RPS6KA3: variants seen among roughly 807,000 people sequenced by gnomAD.
The protein encoded by RPS6KA3 is ribosomal protein S6 kinase A3.
A neutral mutation model predicts 67.2 loss-of-function variants in RPS6KA3; 4 were observed. The observed-to-expected ratio is 0.06, with a 90% CI of 0.03 to 0.14. The LOEUF is 0.14. Among genes scored for constraint, RPS6KA3 ranks in the 10% least tolerant of loss-of-function variants. The pLI, the probability that RPS6KA3 is intolerant of heterozygous loss-of-function variation, is 1.00. For synonymous variants in RPS6KA3, 182 were observed against 183.7 expected, an observed-to-expected ratio of 0.99 and a Z score of 0.07; for missense variants, 204 against 559.0, an observed-to-expected ratio of 0.36 and a Z score of 6.40.
chrX:20,203,249 T>G, intron 4 of RPS6KA3: 1 of 105,150 alleles, frequency 9.5e-6, no homozygotes. Context: ...TAAATCTATA[T>G]TTCTTCTTAA....
At chrX:20,189,269 C>A (rs116535393) in intron 7 of RPS6KA3, among the ~76,000 whole-genome samples, 2,732 of 111,983 alleles carry the variant, frequency 0.024, 79 homozygotes, top group African/African-American at 0.079. Flanking sequence ...GAAGGTTTGA[C>A]CTTATTCATC....
chrX:20,248,494 T>A (rs2147040517), intron 1 of RPS6KA3, among the ~76,000 whole-genome samples: 1 of 111,127 alleles, frequency 9.0e-6, no homozygotes, highest in Admixed American at 9.5e-5. Flanking sequence ...TTTTTTTATT[T>A]TTTGAGACAG....
intron 1 of RPS6KA3, among the ~76,000 whole-genome samples, chrX:20,253,093 C>A (rs1251068527): frequency 9.1e-6 from 1 of 110,071 alleles, no homozygotes; most frequent in East Asian, 2.9e-4. Flanking sequence ...ACGCTTCCTG[C>A]CTGGTCTGCC....
chrX:20,249,496 G>A (rs1199457538), intron 1 of RPS6KA3, among the ~76,000 whole-genome samples: 1 of 112,005 alleles, frequency 8.9e-6, no homozygotes, highest in Non-Finnish European at 1.9e-5. Context: ...TATGTTGGCT[G>A]TTCTAATAGG....
chrX:20,262,125 G>C (rs757758373), intron 1 of RPS6KA3, among the ~76,000 whole-genome samples: 4 of 111,700 alleles, frequency 3.6e-5, no homozygotes, highest in Non-Finnish European at 7.5e-5. Flanking sequence ...TGGGTCTAAA[G>C]CACCCATTCT....
intron 10 of RPS6KA3, among the ~76,000 whole-genome samples, chrX:20,180,479 T>A (rs748777305): frequency 8.9e-6 from 1 of 112,371 alleles, no homozygotes; most frequent in Admixed American, 9.4e-5. Context: ...TGGTTTTAAA[T>A]CCTTTCAGTT....
At chrX:20,255,556 G>A (rs916739791) in intron 1 of RPS6KA3, among the ~76,000 whole-genome samples, 1 of 111,142 alleles carries the variant, frequency 9.0e-6, no homozygotes, top group Non-Finnish European at 1.9e-5. Context: ...GGAGGCCAAG[G>A]CGGGCGGATC....
chrX:20,199,350 T>C (rs2068362336), intron 4 of RPS6KA3, among the ~76,000 whole-genome samples: 1 of 111,252 alleles, frequency 9.0e-6, no homozygotes, highest in South Asian at 3.7e-4. Context: ...TATTCTTCTG[T>C]CTCTTTCTTA....
At chrX:20,158,387 A>AAAGAG (rs1406774782) in intron 20 of RPS6KA3, among the ~76,000 whole-genome samples, 1,171 of 97,055 alleles carry the variant, frequency 0.012, 43 homozygotes, top group African/African-American at 0.048. Flanking sequence ...AAAAAAAAAA[A>AAAGAG]AGAGAGAGAG....
intron 14 of RPS6KA3, among the ~76,000 whole-genome samples, chrX:20,173,450 T>C (rs1201846529): frequency 8.9e-6 from 1 of 112,017 alleles, no homozygotes; most frequent in Admixed American, 9.5e-5. Context: ...CCTGAAGTCA[T>C]AGCCTTACAC....
At chrX:20,227,146 C>T (rs1013130708) in intron 2 of RPS6KA3, among the ~76,000 whole-genome samples, 1 of 111,584 alleles carries the variant, frequency 9.0e-6, no homozygotes, top group Non-Finnish European at 1.9e-5. Context: ...CCCACCTCTT[C>T]CCCCAATCCT....
In RPS6KA3 at chrX:20,253,353, C is replaced by T. The variant is rs190520194; in HGVS notation, c.69+13211G>A. ...CAGTTGTTTGTCTAAAGGAAACAGG[C>T]TTTTTCTCAGAGCTCTTTTTGTCTG... On this transcript the variant is annotated intron_variant, in intron 1 of 21. Coordinates refer to ENST00000379565, the MANE Select transcript of RPS6KA3 (RefSeq NM_004586.3). Among the ~76,000 whole-genome samples the T allele has an allele frequency of 3.6e-5, 4 of 111,081 alleles. No individual in the cohort carries two copies. In the East Asian group the frequency reaches 1.1e-3, roughly 31 times the overall value.
rs188787217 is a variant in RPS6KA3, at chrX:20,151,118, C to T, written c.*4280G>A. ...AGAAATCTTTGAGAACACTCAGTCA[C>T]ATTGGAACCAGCTGCAAATCACTTG... On this transcript the variant is annotated 3_prime_UTR_variant, in exon 22 of 22. Transcript: ENST00000379565. 3.5e-5 allele frequency: 4 copies of T among 112,711 alleles called. No homozygotes were observed. The East Asian group carries it at 1.1e-3, about 31-fold the overall frequency. 9.3% of individuals were successfully genotyped at this position (112,711 alleles called of 1,213,427 possible).
Position 20,155,329 on chromosome X carries a change from G to A in RPS6KA3, c.*69C>T. 16 of 1,161,093 alleles carry A rather than the reference G, an allele frequency of 1.4e-5. No homozygotes were observed. The highest frequency in any genetic ancestry group is 1.8e-5 in the Non-Finnish European group (15 of 850,169). On this transcript the variant is annotated 3_prime_UTR_variant, in exon 22 of 22. Transcript: ENST00000379565. The stretch of plus-strand genomic sequence containing the variant: ...GTGCTTGCAGGTGTCTCTCAGATAC[G>A]TGCTACCTGTCGCCAGAACTTGTGC...
intron 1 of RPS6KA3, among the ~76,000 whole-genome samples, chrX:20,259,030 T>C (rs768551957): frequency 2.7e-5 from 3 of 112,049 alleles, no homozygotes; most frequent in Non-Finnish European, 5.7e-5. Context: ...TGTTATGGTA[T>C]GTAAAACATA....
At chrX:20,228,052 T>C (rs1360884542) in intron 2 of RPS6KA3, among the ~76,000 whole-genome samples, 1 of 112,353 alleles carries the variant, frequency 8.9e-6, no homozygotes, top group African/African-American at 3.2e-5. Flanking sequence ...ATTATATTTT[T>C]AACTTCTAAG....
intron 1 of RPS6KA3, among the ~76,000 whole-genome samples, chrX:20,251,049 G>C (rs2069849454): frequency 8.9e-6 from 1 of 111,846 alleles, no homozygotes; most frequent in Admixed American, 9.4e-5. Context: ...CTTCATTCCT[G>C]AAGGATATTG....
At chrX:20,219,858 T>C (rs1430849003) in intron 2 of RPS6KA3, among the ~76,000 whole-genome samples, 1 of 112,290 alleles carries the variant, frequency 8.9e-6, no homozygotes, top group Non-Finnish European at 1.9e-5. Flanking sequence ...GATAATGCTC[T>C]GCTTAATGAA....
intron 1 of RPS6KA3, among the ~76,000 whole-genome samples, chrX:20,236,962 A>C (rs2069426415): frequency 9.0e-6 from 1 of 111,559 alleles, no homozygotes. Flanking sequence ...TTCCTGTCTC[A>C]CCCTATTAAT....
Sources: allele counts gnomAD v4.1 joint callset (sites outside exome capture counted in the v4.1 genomes callset), GRCh38; gene constraint gnomAD v4.1.1; transcripts MANE v1.5; gene names NCBI Gene and HGNC (gene_info 2026-07-23, HGNC 2026-07-21).